Variants in PPP1R1C observed in about 807,000 individuals in gnomAD.
PPP1R1C encodes protein phosphatase 1 regulatory subunit 1C.
A neutral mutation model predicts 17.4 loss-of-function variants in PPP1R1C; 15 were observed. That is an observed-to-expected ratio of 0.86 (90% CI 0.58 to 1.33). The LOEUF (loss-of-function observed/expected upper bound fraction) is 1.33. Among genes scored for constraint, PPP1R1C ranks in the 40% most tolerant of loss-of-function variants. PPP1R1C has a pLI of 0.00. For missense variants in PPP1R1C, 143 were observed against 130.0 expected (o/e 1.10, Z -0.48); for synonymous variants, 35 against 43.1 (o/e 0.81, Z 0.73).
chr2:181,959,383 A>T (rs953546143), intron 1 of PPP1R1C, among the ~76,000 whole-genome samples: 1 of 152,220 alleles, frequency 6.6e-6, no homozygotes, highest in Non-Finnish European at 1.5e-5. Flanking sequence ...TTGGATCTGA[A>T]TCAACAAGAT....
At chr2:182,101,529 CAGGAAGT>C (rs1337650766) in intron 4 of PPP1R1C, among the ~76,000 whole-genome samples, 1 of 152,106 alleles carries the variant, frequency 6.6e-6, no homozygotes, top group African/African-American at 2.4e-5. Context: ...CTGGGACTCC[CAGGAAGT>C]AGCAGTTTAT....
upstream of PPP1R1C, among the ~76,000 whole-genome samples, chr2:181,982,493 G>C (rs1250683457): frequency 6.6e-6 from 1 of 152,096 alleles, no homozygotes; most frequent in African/African-American, 2.4e-5. Flanking sequence ...TTGCAGTCTA[G>C]GAGAAGAGGC....
rs1193131045 is a variant in PPP1R1C at position 182,056,443 on chromosome 2, T to G, written c.143-4999T>G. ...ATTTAGTCTGCCATTGCTATTGCTT[T>G]TGAGCAGAAGAGTCTTCAAAGAATG... On this transcript the variant is annotated intron_variant, in intron 2 of 4. Coordinates refer to ENST00000682840, the MANE Select transcript of PPP1R1C (RefSeq NM_001080545.3). 2.0e-5 allele frequency among the ~76,000 whole-genome samples: 3 copies of G among 152,228 alleles called. No homozygotes were observed. In the East Asian group the frequency reaches 5.8e-4, roughly 29 times the overall value.
intron 2 of PPP1R1C, among the ~76,000 whole-genome samples, chr2:182,024,108 G>T (rs1163144352): frequency 1.3e-5 from 2 of 152,172 alleles, no homozygotes; most frequent in African/African-American, 4.8e-5. Flanking sequence ...TCAAGGTACA[G>T]ATATTCTCAA....
intron 2 of PPP1R1C, among the ~76,000 whole-genome samples, chr2:182,002,027 T>C (rs754801174): frequency 2.6e-5 from 4 of 152,196 alleles, no homozygotes; most frequent in Non-Finnish European, 5.9e-5. Context: ...ATTTCTGTTA[T>C]CTGGGTGCTT....
chr2:182,070,844 G>A (rs555734869), intron 4 of PPP1R1C, among the ~76,000 whole-genome samples: 1 of 152,318 alleles, frequency 6.6e-6, no homozygotes, highest in East Asian at 1.9e-4. Flanking sequence ...ATGGCAGAAG[G>A]TGAAGGGGGA....
chr2:182,080,094 G>C (rs191892677), intron 4 of PPP1R1C, among the ~76,000 whole-genome samples: 1 of 152,268 alleles, frequency 6.6e-6, no homozygotes, highest in Non-Finnish European at 1.5e-5. Context: ...GGATTAAATA[G>C]GTTGCTATAC....
intron 4 of PPP1R1C, among the ~76,000 whole-genome samples, chr2:182,089,943 C>T (rs1688734201): frequency 6.6e-6 from 1 of 151,898 alleles, no homozygotes; most frequent in South Asian, 2.1e-4. Flanking sequence ...TATTTAAATA[C>T]AATTTTTAAA....
intron 4 of PPP1R1C, among the ~76,000 whole-genome samples, chr2:182,102,616 G>GATACTTAT (rs1689130918): frequency 6.6e-6 from 1 of 152,064 alleles, no homozygotes; most frequent in Non-Finnish European, 1.5e-5. Flanking sequence ...ACAAGTTCAG[G>GATACTTAT]ATACTTATTC....
In PPP1R1C at chr2:182,010,958, C is replaced by G. The variant is rs1390037735; in HGVS notation, c.142+23059C>G. On this transcript the variant is annotated intron_variant, in intron 2 of 4. Transcript: ENST00000682840. Reference sequence around the variant, plus strand: ...TGTGTATGTTGAACCATTCTTGCATCCCTGGGATAAATCCCACTTGGTCAT... The same window carrying G: ...TGTGTATGTTGAACCATTCTTGCATGCCTGGGATAAATCCCACTTGGTCAT... Among the ~76,000 whole-genome samples, 13 of 152,226 alleles carry G rather than the reference C, an allele frequency of 8.5e-5. No individual in the cohort carries two copies. In the South Asian group the frequency reaches 2.3e-3, roughly 27 times the overall value.
intron 2 of PPP1R1C, among the ~76,000 whole-genome samples, chr2:182,055,755 G>T (rs1428881380): frequency 2.0e-5 from 3 of 152,012 alleles, no homozygotes; most frequent in Non-Finnish European, 4.4e-5. Flanking sequence ...TCATCTCTTT[G>T]TAAGTCCAAA....
At chr2:182,062,759 A>T (rs1435874762) in intron 3 of PPP1R1C, among the ~76,000 whole-genome samples, 1 of 152,148 alleles carries the variant, frequency 6.6e-6, no homozygotes, top group Admixed American at 6.6e-5. Flanking sequence ...ACAACTTTGT[A>T]AAACAGTTTC....
intron 2 of PPP1R1C, among the ~76,000 whole-genome samples, chr2:182,049,641 T>G (rs1424996920): frequency 6.6e-6 from 1 of 152,220 alleles, no homozygotes; most frequent in East Asian, 1.9e-4. Flanking sequence ...GGTTTACCTT[T>G]TCCTCTGTGA....
At chr2:181,988,000 A>C in intron 2 of PPP1R1C, 101 bp downstream of exon 2, 13 of 892,734 alleles carry the variant, frequency 1.5e-5, no homozygotes, top group Admixed American at 4.8e-5. Flanking sequence ...TTAGGATTTC[A>C]CAGTTAGCAA....
At chr2:182,088,917 C>G (rs577124388) in intron 4 of PPP1R1C, among the ~76,000 whole-genome samples, 1 of 152,314 alleles carries the variant, frequency 6.6e-6, no homozygotes, top group Non-Finnish European at 1.5e-5. Flanking sequence ...TATTCAAATT[C>G]ATTTACTCTA....
rs182010851 is a variant in PPP1R1C, at chr2:182,053,612, G to C, written c.143-7830G>C. ...TGATGTTATAAACTTTTACTTCCAT[G>C]GTCTGGGCGTAGAGTTATTTTCATT... On this transcript the variant is annotated intron_variant, in intron 2 of 4. Coordinates refer to ENST00000682840, the MANE Select transcript of PPP1R1C (RefSeq NM_001080545.3). 1.6e-3 allele frequency among the ~76,000 whole-genome samples: 238 copies of C among 152,042 alleles called. 2 individuals carry two copies. The highest frequency in any genetic ancestry group is 2.6e-3 in the Non-Finnish European group (180 of 67,978).
intron 4 of PPP1R1C, among the ~76,000 whole-genome samples, chr2:182,105,795 A>G (rs1037156958): frequency 6.6e-6 from 1 of 152,238 alleles, no homozygotes; most frequent in African/African-American, 2.4e-5. Context: ...TCACAATGGT[A>G]TTGGGGAGGA....
At chr2:182,059,929 G>C (rs906346668) in intron 2 of PPP1R1C, among the ~76,000 whole-genome samples, 2 of 151,996 alleles carry the variant, frequency 1.3e-5, no homozygotes, top group Non-Finnish European at 1.5e-5. Context: ...CTAATCAAAA[G>C]CAAAATATTA....
chr2:182,120,123 A>G (rs371305743), downstream of PPP1R1C, among the ~76,000 whole-genome samples: 32 of 152,282 alleles, frequency 2.1e-4, 1 homozygote, highest in East Asian at 1.5e-3. Context: ...CTTTCTACAT[A>G]TGGCTAGCCA....
Sources: allele counts gnomAD v4.1 joint callset (sites outside exome capture counted in the v4.1 genomes callset), GRCh38; gene constraint gnomAD v4.1.1; transcripts MANE v1.5; gene names NCBI Gene and HGNC (gene_info 2026-07-23, HGNC 2026-07-21).